The following PLIN3 variants were observed in gnomAD, a reference collection of about 807,000 sequenced individuals.
The protein encoded by PLIN3 is perilipin-3.
A neutral mutation model predicts 35.9 loss-of-function variants in PLIN3; 30 were observed. The ratio of observed to expected loss-of-function variants is 0.84; its 90% confidence interval spans 0.62 to 1.13. The LOEUF (loss-of-function observed/expected upper bound fraction) is 1.13, where lower values mean the gene tolerates loss of function less well. PLIN3 is among the 50% of genes most tolerant of loss of function. PLIN3 has a pLI of 0.00. For synonymous variants in PLIN3, 261 were observed against 262.5 expected (o/e 0.99, Z 0.06); for missense variants, 603 against 596.9 (o/e 1.01, Z -0.11).
intron 5 of PLIN3, among the ~76,000 whole-genome samples, chr19:4,848,258 A>T (rs2030174287): frequency 6.6e-6 from 1 of 152,222 alleles, no homozygotes; most frequent in South Asian, 2.1e-4. Flanking sequence ...TGCTGTGATT[A>T]TAGGCGTGAG....
rs759865034 is a variant in PLIN3, at chr19:4,847,835, C to A, written c.690G>T (p.Arg230=). 11 of 1,613,828 alleles carry A rather than the reference C, an allele frequency of 6.8e-6. No homozygotes were observed. The African/African-American group carries it at 1.5e-4, about 22-fold the overall frequency. ...GFDVASVQQQ[R]QEQSYFVRLG... ...GACGTACGAAGTAGCTCTGTTCCTG[C>A]CGCTGCTGCTGCACGGACGCGACGT... The change falls in exon 6 of 8, where the codon CGG becomes CGT. Residue 230 remains arginine (R), a synonymous_variant. Coordinates refer to ENST00000221957, the MANE Select transcript of PLIN3 (RefSeq NM_005817.5).
intron 2 of PLIN3, among the ~76,000 whole-genome samples, chr19:4,860,482 C>T (rs1039056759): frequency 3.9e-5 from 6 of 151,974 alleles, no homozygotes; most frequent in Non-Finnish European, 7.4e-5. Context: ...GGATTACAGG[C>T]GTGAGCCACC....
chr19:4,849,335 T>G (rs2030209051), intron 5 of PLIN3, among the ~76,000 whole-genome samples: 1 of 152,072 alleles, frequency 6.6e-6, no homozygotes, highest in Non-Finnish European at 1.5e-5. Context: ...TGAAGTACAG[T>G]CTCGCTCTGT....
rs954641554 is a variant in PLIN3, at chr19:4,859,660, C to T, written c.278G>A (p.Ser93Asn). 1.9e-6 allele frequency: 3 copies of T among 1,614,062 alleles called. No homozygotes were observed. The highest frequency in any genetic ancestry group is 4.5e-5 in the East Asian group (2 of 44,902). ...SKLEPQIASA[S>N]EYAHRGLDKL... ...GTCCAGCCCCCTGTGGGCGTATTCG[C>T]TGGCTGATGCAACTGCCAACAACAA... The change falls in exon 4 of 8, where the codon AGC becomes AAC. Residue 93 changes from serine (S) to asparagine (N), a missense_variant. Physicochemically the swap from Ser to Asn is conservative, Grantham distance 46. Coordinates refer to ENST00000221957, the MANE Select transcript of PLIN3 (RefSeq NM_005817.5).
chr19:4,847,931 A>C (rs766204606), intron 5 of PLIN3, 41 bp from the exon 6 acceptor site: 1 of 1,463,764 alleles, frequency 6.8e-7, no homozygotes, highest in East Asian at 2.3e-5. Context: ...AGACCAGAAC[A>C]CACAGCTGGG....
chr19:4,850,026 A>G (rs914640165), intron 5 of PLIN3, among the ~76,000 whole-genome samples: 1 of 151,802 alleles, frequency 6.6e-6, no homozygotes. Flanking sequence ...GCTCACCACA[A>G]GCTCTGCCTC....
intron 4 of PLIN3, among the ~76,000 whole-genome samples, chr19:4,854,858 T>C (rs1411814499): frequency 6.6e-6 from 1 of 152,060 alleles, no homozygotes; most frequent in Non-Finnish European, 1.5e-5. Flanking sequence ...CTCACACCTG[T>C]CATCCCGGCA....
At position 4,859,859 on chromosome 19, in the gene PLIN3, C is replaced by T. The variant is rs773161639; in HGVS notation, c.232G>A (p.Ala78Thr). 1.9e-6 allele frequency: 3 copies of T among 1,613,064 alleles called. No individual in the cohort carries two copies. Among genetic ancestry groups the T allele is most frequent in the East Asian group, 4.5e-5 (2 of 44,872 alleles). The change falls in exon 3 of 8, where the codon GCT becomes ACT. Residue 78 changes from alanine (A) to threonine (T), a missense_variant. Transcript: ENST00000221957. The part of the protein sequence containing the change: ...RTLTAAAVSG[A>T]QPILSKLEPQ... Reference sequence around the variant, plus strand: ...TCCAGCTTGGAGAGGATCGGCTGAGCCCCGCTGACAGCAGCCGCCGTGAGG... The same window carrying T: ...TCCAGCTTGGAGAGGATCGGCTGAGTCCCGCTGACAGCAGCCGCCGTGAGG...
intron 7 of PLIN3, among the ~76,000 whole-genome samples, chr19:4,842,947 A>G (rs10853977): frequency 0.28 from 42,231 of 152,002 alleles, 6,080 homozygotes; most frequent in East Asian, 0.4. Flanking sequence ...GGGTCCGGGC[A>G]CGGTGGCTCA....
chr19:4,840,690 G>C (rs954003411), intron 7 of PLIN3, among the ~76,000 whole-genome samples: 1 of 152,178 alleles, frequency 6.6e-6, no homozygotes, highest in African/African-American at 2.4e-5. Flanking sequence ...GGTGGCTCAT[G>C]CCTGTAATCC....
At position 4,838,349 on chromosome 19, in the gene PLIN3, TG is replaced by T. The variant is rs781437631; in HGVS notation, c.*842del. The T allele has an allele frequency of 6.6e-6, 1 of 152,448 alleles. No homozygotes were observed. Among genetic ancestry groups the T allele is most frequent in the Non-Finnish European group, 1.5e-5 (1 of 68,034 alleles). The allele number at this position is 152,448 out of a possible 1,614,324, so 9.4% of individuals were successfully genotyped here. On this transcript the variant is annotated 3_prime_UTR_variant, in exon 8 of 8. Coordinates refer to ENST00000221957, the MANE Select transcript of PLIN3 (RefSeq NM_005817.5). ...TACACACATGGCCTGTATGCAGTTG[TG>T]GGTGAAGTTTATTAAGGCAATACTG...
chr19:4,864,601 G>A (rs2030789702), intron 1 of PLIN3, among the ~76,000 whole-genome samples: 2 of 151,916 alleles, frequency 1.3e-5, no homozygotes, highest in African/African-American at 4.8e-5. Flanking sequence ...ACAGCTGTGA[G>A]CCACCGCACC....
At chr19:4,857,510 G>C (rs945576865) in intron 4 of PLIN3, among the ~76,000 whole-genome samples, 3 of 152,014 alleles carry the variant, frequency 2.0e-5, no homozygotes, top group Non-Finnish European at 4.4e-5. Flanking sequence ...CAAGGCTGCA[G>C]TTGAGCCATG....
chr19:4,851,997 G>A lies in PLIN3; in HGVS notation c.634+19C>T. The A allele has an allele frequency of 6.2e-7, 1 of 1,604,704 alleles. No homozygotes were observed. The highest frequency in any genetic ancestry group is 1.1e-5 in the South Asian group (1 of 90,616). On this transcript the variant is annotated intron_variant, in intron 5 of 7. Transcript: ENST00000221957. The stretch of plus-strand genomic sequence containing the variant: ...GGGCCTGGGGAGGGGTCCCAGAGCA[G>A]CCCGCTGGCCACACTTACCCAGTTC...
intron 5 of PLIN3, among the ~76,000 whole-genome samples, chr19:4,850,915 T>TG (rs955343893): frequency 2.0e-5 from 3 of 151,960 alleles, no homozygotes; most frequent in African/African-American, 7.3e-5. Flanking sequence ...CCCCGCACTT[T>TG]GGGGGGCTAA....
chr19:4,867,081 T>TG (rs1238575973), intron 1 of PLIN3: 1 of 152,264 alleles, frequency 6.6e-6, no homozygotes, highest in Non-Finnish European at 1.5e-5. Flanking sequence ...CCGAGGGAAG[T>TG]GGGCAGGCTT....
Position 4,861,350 on chromosome 19 carries a change from T to C in PLIN3, c.45A>G (p.Thr15=). Residue 15 remains threonine, a synonymous_variant, in exon 2 of 8, where the codon ACA becomes ACG. Transcript: ENST00000221957. The part of the protein sequence containing the change: ...GAEADGSTQV[T]VEEPVQQPSV... ...TCACCTGCTGTACCGGTTCTTCCAC[T>C]GTCACCTGGGTGCTGCCATCAGCCT... 2 of 1,613,506 alleles carry C rather than the reference T, an allele frequency of 1.2e-6. No individual in the cohort carries two copies. The highest frequency in any genetic ancestry group is 1.7e-4 in the Middle Eastern group (1 of 6,052).
In PLIN3 at chr19:4,852,015, C is replaced by A. The variant is rs112913041; in HGVS notation, c.634+1G>T. 96 of 1,612,622 alleles carry A rather than the reference C, an allele frequency of 6.0e-5. No homozygotes were observed. Among genetic ancestry groups the A allele is most frequent in the Non-Finnish European group, 8.1e-5 (95 of 1,179,354 alleles). ...CAGAGCAGCCCGCTGGCCACACTTA[C>A]CCAGTTCGGCATCCGTAAGGGGCAG... On this transcript the variant is annotated splice_donor_variant, in intron 5 of 7. Transcript: ENST00000221957. LOFTEE classifies it high-confidence loss of function.
intron 6 of PLIN3, among the ~76,000 whole-genome samples, chr19:4,847,087 A>AGTG (rs2030123039): frequency 6.6e-6 from 1 of 151,422 alleles, no homozygotes; most frequent in East Asian, 1.9e-4. Flanking sequence ...ATGGGGTTTC[A>AGTG]CCATGTTGGC....
Sources: gnomAD v4.1 joint callset for allele counts (sites outside exome capture counted in the v4.1 genomes callset) on GRCh38, gnomAD v4.1.1 for gene constraint, MANE v1.5 for transcripts, NCBI Gene and HGNC (gene_info 2026-07-23, HGNC 2026-07-21) for gene names.